GRM1: variants seen among roughly 807,000 people sequenced by gnomAD.
GRM1 encodes the protein metabotropic glutamate receptor 1.
A neutral mutation model predicts 90.9 loss-of-function variants in GRM1; 33 were observed. The observed-to-expected ratio is 0.36, with a 90% CI of 0.28 to 0.49. GRM1 has a LOEUF of 0.49. Among genes scored for constraint, GRM1 ranks in the 20% least tolerant of loss-of-function variants. The pLI, the probability that GRM1 is intolerant of heterozygous loss-of-function variation, is 0.99. For missense variants in GRM1, 1,190 were observed against 1,534.3 expected (o/e 0.78, Z 3.75); for synonymous variants, 700 against 613.2 (o/e 1.14, Z -2.09).
intron 2 of GRM1, among the ~76,000 whole-genome samples, chr6:146,223,111 A>G (rs983902611): frequency 3.9e-5 from 6 of 152,066 alleles, no homozygotes; most frequent in African/African-American, 9.7e-5. Flanking sequence ...AGCAACTTAC[A>G]GCTGGCTCTA....
At chr6:146,068,629 T>A (rs1368632436) in intron 1 of GRM1, among the ~76,000 whole-genome samples, 1 of 152,206 alleles carries the variant, frequency 6.6e-6, no homozygotes, top group Non-Finnish European at 1.5e-5. Flanking sequence ...GTTAAATGAT[T>A]TGTCTTGGAA....
chr6:146,378,395 G>C (rs1776191775), intron 5 of GRM1, among the ~76,000 whole-genome samples: 1 of 152,208 alleles, frequency 6.6e-6, no homozygotes, highest in Non-Finnish European at 1.5e-5. Context: ...ATCTGATAAA[G>C]CCACAGGGGT....
chr6:146,111,062 C>G (rs1036259845), intron 1 of GRM1, among the ~76,000 whole-genome samples: 2 of 152,178 alleles, frequency 1.3e-5, no homozygotes, highest in African/African-American at 4.8e-5. Context: ...CTAAATTAAG[C>G]AATGTTCCAG....
intron 2 of GRM1, among the ~76,000 whole-genome samples, chr6:146,263,225 T>C (rs1781762362): frequency 6.6e-6 from 1 of 151,960 alleles, no homozygotes; most frequent in Non-Finnish European, 1.5e-5. Context: ...TATCTAGCTA[T>C]TGGTTAGGAG....
intron 1 of GRM1, among the ~76,000 whole-genome samples, chr6:146,060,733 T>C (rs1284973861): frequency 6.6e-6 from 1 of 152,162 alleles, no homozygotes; most frequent in Non-Finnish European, 1.5e-5. Context: ...GTCTTTATGG[T>C]AGAATGATTT....
At chr6:146,153,219 CT>C (rs1218228899) in intron 1 of GRM1, among the ~76,000 whole-genome samples, 1 of 152,184 alleles carries the variant, frequency 6.6e-6, no homozygotes. Flanking sequence ...CTATTAGATA[CT>C]TGCAGTTGTC....
intron 2 of GRM1, among the ~76,000 whole-genome samples, chr6:146,266,667 A>T (rs183196271): frequency 2.7e-3 from 411 of 152,308 alleles, no homozygotes; most frequent in African/African-American, 9.0e-3. Flanking sequence ...TTCTCTTTGT[A>T]ACTTGTTCAA....
At chr6:146,218,035 C>G (rs2114667140) in intron 2 of GRM1, among the ~76,000 whole-genome samples, 1 of 152,240 alleles carries the variant, frequency 6.6e-6, no homozygotes, top group East Asian at 1.9e-4. Flanking sequence ...CCATTGTCAT[C>G]TCCATTTTAG....
At chr6:146,276,200 C>G (rs934454371) in intron 2 of GRM1, among the ~76,000 whole-genome samples, 1 of 151,976 alleles carries the variant, frequency 6.6e-6, no homozygotes, top group Non-Finnish European at 1.5e-5. Flanking sequence ...TACCGGGTAC[C>G]ACCAGTACAG....
At chr6:146,368,260 T>TTGGC (rs1491160990) in intron 5 of GRM1, among the ~76,000 whole-genome samples, 1 of 115,856 alleles carries the variant, frequency 8.6e-6, no homozygotes, top group Non-Finnish European at 1.8e-5. Flanking sequence ...AGTTTTTTTT[T>TTGGC]GGGGGGGGGG....
At chr6:146,161,358 G>T (rs1777717363) in intron 2 of GRM1, among the ~76,000 whole-genome samples, 1 of 152,144 alleles carries the variant, frequency 6.6e-6, no homozygotes, top group South Asian at 2.1e-4. Flanking sequence ...TGTGAAAAAT[G>T]TATCCTGTCA....
intron 2 of GRM1, among the ~76,000 whole-genome samples, chr6:146,255,078 C>T (rs1781434143): frequency 1.3e-5 from 2 of 152,164 alleles, no homozygotes; most frequent in South Asian, 4.1e-4. Flanking sequence ...CTACAACCGC[C>T]TTCTTGAAAT....
intron 2 of GRM1, among the ~76,000 whole-genome samples, chr6:146,300,443 T>C (rs926217867): frequency 2.6e-5 from 4 of 152,218 alleles, no homozygotes; most frequent in Non-Finnish European, 5.9e-5. Context: ...TTCTAACTAT[T>C]CAGGTTTGAA....
chr6:146,141,204 A>T (rs145158526), intron 1 of GRM1, among the ~76,000 whole-genome samples: 40 of 151,836 alleles, frequency 2.6e-4, no homozygotes, highest in Middle Eastern at 3.4e-3. Context: ...ATGTCATGAC[A>T]CTGTTTCCTG....
chr6:146,248,398 A>T (rs887254116), intron 2 of GRM1, among the ~76,000 whole-genome samples: 13 of 152,200 alleles, frequency 8.5e-5, no homozygotes, highest in Admixed American at 7.2e-4. Flanking sequence ...AGGTGATTGC[A>T]TCATGGAGGT....
intron 6 of GRM1, among the ~76,000 whole-genome samples, chr6:146,389,112 C>T (rs1290836188): frequency 6.6e-6 from 1 of 151,910 alleles, no homozygotes; most frequent in African/African-American, 2.4e-5. Context: ...GCCTCTTTTT[C>T]TTGTATAAGT....
At chr6:146,254,557 A>G (rs1349113913) in intron 2 of GRM1, among the ~76,000 whole-genome samples, 1 of 152,206 alleles carries the variant, frequency 6.6e-6, no homozygotes, top group Non-Finnish European at 1.5e-5. Context: ...CCTAGGAGTC[A>G]CATATGTATA....
chr6:146,043,782 GATATAT>G (rs3064997), intron 1 of GRM1, among the ~76,000 whole-genome samples: 1,991 of 89,972 alleles, frequency 0.022, 79 homozygotes, highest in African/African-American at 0.063. Flanking sequence ...AGAGTCAGGT[GATATAT>G]ATATATATAT....
intron 1 of GRM1, among the ~76,000 whole-genome samples, chr6:146,042,607 A>T (rs2128841968): frequency 6.6e-6 from 1 of 152,080 alleles, no homozygotes; most frequent in Non-Finnish European, 1.5e-5. Context: ...GGTAGCCTTT[A>T]TTTTCTGAAT....
Sources: allele counts gnomAD v4.1 joint callset (sites outside exome capture counted in the v4.1 genomes callset), GRCh38; gene constraint gnomAD v4.1.1; transcripts MANE v1.5; gene names NCBI Gene and HGNC (gene_info 2026-07-23, HGNC 2026-07-21).